Variants in ARMH1 observed in about 807,000 individuals in gnomAD.
The protein encoded by ARMH1 is armadillo like helical domain containing 1, also known as armadillo-like helical domain containing protein 1.
A neutral mutation model predicts 50.2 loss-of-function variants in ARMH1; 34 were observed. The ratio of observed to expected loss-of-function variants is 0.68; its 90% CI spans 0.51 to 0.90. The LOEUF is 0.90. Ranked by LOEUF, ARMH1 falls within the 40% of genes least tolerant of loss-of-function variation. ARMH1 has a pLI of 0.00. For missense variants in ARMH1, 538 were observed against 553.9 expected (o/e 0.97, Z 0.29); for synonymous variants, 221 against 224.2 (o/e 0.99, Z 0.13).
chr1:44,720,197 CAAAAAAA>C (rs35873369), intron 6 of ARMH1, among the ~76,000 whole-genome samples: 69 of 69,202 alleles, frequency 1.0e-3, no homozygotes, highest in African/African-American at 2.8e-3. Context: ...AACTCTGTCT[CAAAAAAA>C]AAAAAAAAAA....
chr1:44,725,578 C>A lies in ARMH1; in HGVS notation c.*175C>A. On this transcript the variant is annotated 3_prime_UTR_variant, in exon 12 of 12. Transcript: ENST00000535358. ...CTGGCTGCGAAGAGTCAATAAACAG[C>A]CTTGATACCTGTCTGTTCTTTGTGT... 1.5e-6 allele frequency: 1 copy of A among 645,286 alleles called. No individual in the cohort carries two copies. The allele number at this position is 645,286 out of a possible 1,614,324, so 40.0% of individuals were successfully genotyped here. A position where few individuals can be genotyped will look rare whatever the true frequency, so the allele number is the denominator to read the frequency against.
At chr1:44,686,066 C>T (rs973634280) in intron 1 of ARMH1, among the ~76,000 whole-genome samples, 9 of 152,132 alleles carry the variant, frequency 5.9e-5, no homozygotes, top group African/African-American at 2.2e-4. Flanking sequence ...AATGGGCATC[C>T]GTCAGAAAAA....
At chr1:44,721,684 A>C (rs1218009521) in intron 6 of ARMH1, 3 of 152,168 alleles carry the variant, frequency 2.0e-5, no homozygotes, top group Non-Finnish European at 4.4e-5. Context: ...AGCCGCGACC[A>C]CACCACTCCG....
At position 44,724,424 on chromosome 1, in the gene ARMH1, G is replaced by A. The variant is rs866820333; in HGVS notation, c.920+32G>A. 1.5e-4 allele frequency: 224 copies of A among 1,544,366 alleles called. No homozygotes were observed. Among genetic ancestry groups the A allele is most frequent in the Admixed American group, 1.3e-3 (64 of 50,796 alleles). ...GGGCAGGGGTTAGTGGGTAGCTGCAGCAAGCCTGGCTTGGCGCTGCCGGCG... is the reference window on the plus strand; with the variant it reads ...GGGCAGGGGTTAGTGGGTAGCTGCAACAAGCCTGGCTTGGCGCTGCCGGCG... On this transcript the variant is annotated intron_variant, in intron 8 of 11. Coordinates refer to ENST00000535358, the MANE Select transcript of ARMH1 (RefSeq NM_001145636.2). The surrounding 1 kb of genome is among the most constrained non-coding windows in gnomAD (Gnocchi z 6.4).
Position 44,724,234 on chromosome 1 carries a change from G to A in ARMH1, c.837G>A (p.Lys279=). The change falls in exon 7 of 12, where the codon AAG becomes AAA. Residue 279 remains lysine, a synonymous_variant. Transcript: ENST00000535358. This position sits in a 1 kb window ranked among gnomAD's most constrained non-coding sequence, Gnocchi z 6.4. ...SVKEISKLQA[K]ILSDPSVLQL... ...AGGAGATCTCCAAACTGCAGGCCAA[G>A]ATCCTCAGTGGTAAGGACCTGCTCA... 6.4e-7 allele frequency: 1 copy of A among 1,551,762 alleles called. No individual in the cohort carries two copies. The highest frequency in any genetic ancestry group is 8.7e-7 in the Non-Finnish European group (1 of 1,147,008).
chr1:44,704,623 C>T (rs1356521975), intron 6 of ARMH1, among the ~76,000 whole-genome samples: 8 of 151,518 alleles, frequency 5.3e-5, no homozygotes, highest in Non-Finnish European at 8.8e-5. Context: ...GATATTCTCC[C>T]TCCTCAACCT....
chr1:44,690,249 C>T (rs1645616708), intron 2 of ARMH1, among the ~76,000 whole-genome samples: 1 of 151,796 alleles, frequency 6.6e-6, no homozygotes, highest in Admixed American at 6.6e-5. Context: ...ATTAGGCAGC[C>T]TTCAAAAATG....
intron 2 of ARMH1, among the ~76,000 whole-genome samples, chr1:44,695,023 T>C (rs1645780949): frequency 2.0e-5 from 3 of 152,208 alleles, no homozygotes; most frequent in Admixed American, 2.0e-4. Context: ...TACACCATCA[T>C]GTCTCCTACT....
At chr1:44,710,918 A>G (rs1339502013) in intron 6 of ARMH1, among the ~76,000 whole-genome samples, 1 of 152,210 alleles carries the variant, frequency 6.6e-6, no homozygotes, top group African/African-American at 2.4e-5. Context: ...TACCTATTCC[A>G]TATATTTCAC....
intron 4 of ARMH1, among the ~76,000 whole-genome samples, chr1:44,699,860 C>T (rs538615703): frequency 2.7e-5 from 4 of 147,750 alleles, no homozygotes; most frequent in Middle Eastern, 3.5e-3. Context: ...GTTGGAGTCT[C>T]GTTCTGTAGC....
Position 44,725,468 on chromosome 1 carries a change from G to T in ARMH1, c.*65G>T. 1.3e-6 allele frequency: 2 copies of T among 1,493,572 alleles called. No homozygotes were observed. The highest frequency in any genetic ancestry group is 1.8e-6 in the Non-Finnish European group (2 of 1,095,954). The allele number at this position is 1,493,572 out of a possible 1,614,324, so 92.5% of individuals were successfully genotyped here. On this transcript the variant is annotated 3_prime_UTR_variant, in exon 12 of 12. Transcript: ENST00000535358. ...CAGGGAAGCCTGGCAAGAGGAAGGCGCCTGGGGTCAAGCTCAGAGCCACTC... is the reference window on the plus strand; with the variant it reads ...CAGGGAAGCCTGGCAAGAGGAAGGCTCCTGGGGTCAAGCTCAGAGCCACTC...
At chr1:44,676,613 T>C (rs556879452) in intron 1 of ARMH1, among the ~76,000 whole-genome samples, 6 of 152,314 alleles carry the variant, frequency 3.9e-5, no homozygotes, top group African/African-American at 1.4e-4. Context: ...TTATGACTAA[T>C]CAAGTAAAAT....
chr1:44,724,803 C>T lies in ARMH1; in HGVS notation c.1092C>T (p.Arg364=). 1 of 1,543,538 alleles carries T rather than the reference C, an allele frequency of 6.5e-7. No homozygotes were observed. Among genetic ancestry groups the T allele is most frequent in the Non-Finnish European group, 8.7e-7 (1 of 1,146,772 alleles). ...QMFPLVAEHV[R]KCMGEELYQL... is the part of the protein sequence containing the mutation. ...TCCCCTTGGTGGCGGAGCACGTGCG[C>T]AAGTGCATGGGGGAGGAACTCTACC... The change falls in exon 10 of 12, where the codon CGC becomes CGT. Residue 364 remains arginine, a synonymous_variant. Coordinates refer to ENST00000535358, the MANE Select transcript of ARMH1 (RefSeq NM_001145636.2). This position sits in a 1 kb window ranked among gnomAD's most constrained non-coding sequence, Gnocchi z 6.4.
intron 6 of ARMH1, among the ~76,000 whole-genome samples, chr1:44,707,340 G>T (rs1457074988): frequency 6.6e-6 from 1 of 152,178 alleles, no homozygotes; most frequent in Non-Finnish European, 1.5e-5. Flanking sequence ...AGACCTCTGA[G>T]CAACTCCAGG....
intron 5 of ARMH1, among the ~76,000 whole-genome samples, chr1:44,702,762 G>T (rs1022448214): frequency 1.3e-5 from 2 of 151,116 alleles, no homozygotes; most frequent in Non-Finnish European, 3.0e-5. Flanking sequence ...GGCAATGACA[G>T]TGATAGAAGA....
chr1:44,725,154 T>C lies in ARMH1; in HGVS notation c.1147T>C (p.Tyr383His), dbSNP rs1573532402. Residue 383 changes from tyrosine (Y) to histidine (H), a missense_variant, in exon 11 of 12, where the codon TAC (tyrosine) becomes CAC (histidine). By Grantham distance (83) the Tyr-to-His change is moderately conservative. Transcript: ENST00000535358. ...TCCTCAGAGCAACGCTGAGGACTTG[T>C]ACATGAAAATAGACAGCATTCAGGC... The part of the protein sequence containing the change: ...QLFLSNAEDL[Y>H]MKIDSIQADI... 1 of 1,551,894 alleles carries C rather than the reference T, an allele frequency of 6.4e-7. No individual in the cohort carries two copies. The highest frequency in any genetic ancestry group is 8.7e-7 in the Non-Finnish European group (1 of 1,147,026).
intron 1 of ARMH1, among the ~76,000 whole-genome samples, chr1:44,677,292 T>G (rs1440422947): frequency 6.6e-6 from 1 of 152,148 alleles, no homozygotes; most frequent in Non-Finnish European, 1.5e-5. Context: ...TCTGCAAGGT[T>G]GTGTAATATG....
At chr1:44,721,111 A>G (rs1647094533) in intron 6 of ARMH1, among the ~76,000 whole-genome samples, 1 of 150,938 alleles carries the variant, frequency 6.6e-6, no homozygotes, top group African/African-American at 2.4e-5. Context: ...GAAGTCTGAT[A>G]CCTCTAGCAT....
intron 6 of ARMH1, chr1:44,721,859 T>G (rs191072797): frequency 1.3e-5 from 2 of 152,190 alleles, no homozygotes; most frequent in African/African-American, 4.8e-5. Flanking sequence ...AAATCTTTAG[T>G]AAAAGGCGAA....
Sources: allele counts gnomAD v4.1 joint callset (sites outside exome capture counted in the v4.1 genomes callset), GRCh38; gene constraint gnomAD v4.1.1; non-coding constraint Gnocchi (gnomAD v3.1); transcripts MANE v1.5; gene names NCBI Gene and HGNC (gene_info 2026-07-23, HGNC 2026-07-21).